CD33: variants seen among roughly 807,000 people sequenced by gnomAD.
CD33 encodes CD33 molecule.
Under a neutral mutation model 31.4 loss-of-function variants are expected in CD33, and 25 were observed. The observed-to-expected ratio is 0.80, with a 90% confidence interval of 0.58 to 1.11. The LOEUF (loss-of-function observed/expected upper bound fraction) is 1.11, where lower values mean the gene tolerates loss of function less well. Ranked by LOEUF, CD33 falls within the 50% of genes most tolerant of loss-of-function variation. The probability of loss-of-function intolerance (pLI) is 0.00; values close to 1 mark genes in which losing one functional copy is unlikely to be tolerated. For synonymous variants in CD33, 176 were observed against 180.6 expected, an observed-to-expected ratio of 0.97 and a Z score of 0.20; for missense variants, 407 against 448.1, an observed-to-expected ratio of 0.91 and a Z score of 0.83.
intron 4 of CD33, among the ~76,000 whole-genome samples, chr19:51,227,079 C>T (rs1599867819): frequency 6.6e-6 from 1 of 151,914 alleles, no homozygotes; most frequent in East Asian, 1.9e-4. Flanking sequence ...AATGATAATC[C>T]ATTGTGTATA....
At chr19:51,233,501 G>A (rs1200546903) in intron 4 of CD33, among the ~76,000 whole-genome samples, 1 of 152,234 alleles carries the variant, frequency 6.6e-6, no homozygotes, top group Non-Finnish European at 1.5e-5. Flanking sequence ...ATAAAGAGGT[G>A]CATGCCACTG....
At chr19:51,214,523 G>A in the CD33 span, among the ~76,000 whole-genome samples, 1 of 152,132 alleles carries the variant, frequency 6.6e-6, no homozygotes, top group South Asian at 2.1e-4. Context: ...AAGATGTATA[G>A]CCTAATAGTG....
At chr19:51,226,881 C>T (rs1345503620) in intron 4 of CD33, among the ~76,000 whole-genome samples, 1 of 151,764 alleles carries the variant, frequency 6.6e-6, no homozygotes, top group African/African-American at 2.4e-5. Flanking sequence ...TTCCCCTAAC[C>T]TTCCCAGCCC....
the CD33 span, among the ~76,000 whole-genome samples, chr19:51,215,462 G>C: frequency 6.6e-6 from 1 of 152,098 alleles, no homozygotes; most frequent in Non-Finnish European, 1.5e-5. Flanking sequence ...TATATGCCCC[G>C]ATCTCTTCAC....
At chr19:51,238,930 C>G (rs1402801859) in intron 6 of CD33, 1 of 152,332 alleles carries the variant, frequency 6.6e-6, no homozygotes, top group East Asian at 1.9e-4. Context: ...AACTGCATTC[C>G]CATAGCTTCC....
chr19:51,226,295 T>C lies in CD33; in HGVS notation c.698-14T>C, dbSNP rs1223475976. 6.2e-7 allele frequency: 1 copy of C among 1,612,972 alleles called. No individual in the cohort carries two copies. The highest frequency in any genetic ancestry group is 1.1e-5 in the South Asian group (1 of 91,066). Reference sequence around the variant, plus strand: ...CTACCCCCAACTGAAGGAAATCCTCTCTTCCTCTCCTAGATGTTCCACAGA... The same window carrying C: ...CTACCCCCAACTGAAGGAAATCCTCCCTTCCTCTCCTAGATGTTCCACAGA... On this transcript the variant is annotated splice_polypyrimidine_tract_variant and intron_variant, in intron 3 of 6. Transcript: ENST00000262262.
chr19:51,216,763 T>C, the CD33 span, among the ~76,000 whole-genome samples: 4 of 152,154 alleles, frequency 2.6e-5, no homozygotes, highest in Admixed American at 1.3e-4. Context: ...AATATATGTT[T>C]AGAGAAAAAT....
the CD33 span, chr19:51,211,249 G>A: frequency 1.9e-6 from 3 of 1,571,750 alleles, no homozygotes; most frequent in Non-Finnish European, 2.6e-6. Context: ...GCAAGTGCAG[G>A]AGTCAGTGAC....
intron 6 of CD33, chr19:51,237,706 A>AT (rs1476128436): frequency 1.3e-5 from 2 of 152,256 alleles, no homozygotes; most frequent in African/African-American, 4.8e-5. Context: ...GAGACATAGG[A>AT]GCTGCAAATA....
chr19:51,234,512 T>C (rs1357380474), intron 4 of CD33, among the ~76,000 whole-genome samples: 1 of 152,134 alleles, frequency 6.6e-6, no homozygotes, highest in Non-Finnish European at 1.5e-5. Flanking sequence ...CCTATTCCAA[T>C]TAATAATGGC....
At chr19:51,213,449 A>G in the CD33 span, among the ~76,000 whole-genome samples, 3 of 152,156 alleles carry the variant, frequency 2.0e-5, no homozygotes, top group African/African-American at 7.2e-5. Context: ...TGCACCACCA[A>G]TGGGTTTGGG....
intron 4 of CD33, among the ~76,000 whole-genome samples, chr19:51,227,920 G>A (rs7245846): frequency 0.37 from 56,006 of 151,900 alleles, 10,726 homozygotes; most frequent in Admixed American, 0.48. Context: ...TGAGTCTAAT[G>A]TCATTCTTCT....
At chr19:51,218,772 T>C in the CD33 span, among the ~76,000 whole-genome samples, 65 of 152,198 alleles carry the variant, frequency 4.3e-4, no homozygotes, top group Non-Finnish European at 7.5e-4. Flanking sequence ...ACCGTTTAAT[T>C]AATAAGGTGT....
upstream of CD33, among the ~76,000 whole-genome samples, chr19:51,224,220 G>C (rs1233493549): frequency 6.6e-6 from 1 of 152,196 alleles, no homozygotes; most frequent in East Asian, 1.9e-4. Flanking sequence ...ATCTGGGAGA[G>C]AGAGGTGTGT....
chr19:51,238,312 T>G (rs1981933661), intron 6 of CD33: 1 of 152,144 alleles, frequency 6.6e-6, no homozygotes, highest in African/African-American at 2.4e-5. Context: ...AGATGACAAG[T>G]AGCAGGCAAG....
In CD33 at chr19:51,226,279, A is replaced by G. The variant is rs375460111; in HGVS notation, c.698-30A>G. 86 of 1,608,498 alleles carry G rather than the reference A, an allele frequency of 5.3e-5. No homozygotes were observed. The Middle Eastern group carries it at 2.3e-3, about 43-fold the overall frequency. On this transcript the variant is annotated intron_variant, in intron 3 of 6. Transcript: ENST00000262262. ...TACCCTTATCTCATCTCTACCCCCA[A>G]CTGAAGGAAATCCTCTCTTCCTCTC...
At chr19:51,235,814 A>G in intron 6 of CD33, 138 bp downstream of exon 6, 1 of 802,942 alleles carries the variant, frequency 1.2e-6, no homozygotes, top group Non-Finnish European at 2.2e-6. Flanking sequence ...AGGTTTTAAT[A>G]TTTTTCAGGT....
At position 51,239,909 on chromosome 19, in the gene CD33, TC is replaced by T; in HGVS notation, c.*223del. ...GCTAAGTGTATGATGTCACACAAGC[TC>T]CTTAACCTTCCATGTCTCCATTTTC... On this transcript the variant is annotated 3_prime_UTR_variant, in exon 7 of 7. Coordinates refer to ENST00000262262, the MANE Select transcript of CD33 (RefSeq NM_001772.4). 2.6e-6 allele frequency: 1 copy of T among 384,338 alleles called. No individual in the cohort carries two copies. Among genetic ancestry groups the T allele is most frequent in the Non-Finnish European group, 4.6e-6 (1 of 216,006 alleles). 23.8% of individuals were successfully genotyped at this position (384,338 alleles called of 1,614,324 possible).
At position 51,235,348 on chromosome 19, in the gene CD33, G is replaced by A. The variant is rs940118678; in HGVS notation, c.842+95G>A. 11 of 1,309,460 alleles carry A rather than the reference G, an allele frequency of 8.4e-6. No homozygotes were observed. In the African/African-American group the frequency reaches 1.4e-4, roughly 17 times the overall value. 81.1% of individuals were successfully genotyped at this position (1,309,460 alleles called of 1,614,324 possible). A position where few individuals can be genotyped will look rare whatever the true frequency, so the allele number is the denominator to read the frequency against. The stretch of plus-strand genomic sequence containing the variant: ...GAGGGGCTGTGAGGGCTGGAGAAAG[G>A]GCAGGGGGTGTGATGATGTACAGAA... On this transcript the variant is annotated intron_variant, in intron 5 of 6. Coordinates refer to ENST00000262262, the MANE Select transcript of CD33 (RefSeq NM_001772.4).
Sources: gnomAD v4.1 joint callset for allele counts (sites outside exome capture counted in the v4.1 genomes callset) on GRCh38, gnomAD v4.1.1 for gene constraint, MANE v1.5 for transcripts, NCBI Gene and HGNC (gene_info 2026-07-23, HGNC 2026-07-21) for gene names.